The following EXD2 variants were observed in gnomAD, a reference collection of about 807,000 sequenced individuals.
The protein encoded by EXD2 is exonuclease 3'-5' domain-containing protein 2.
EXD2 carries 40 observed loss-of-function variants against 62.5 expected under a neutral mutation model. The observed-to-expected ratio is 0.64, with a 90% CI of 0.50 to 0.83. EXD2 has a LOEUF of 0.83. Among genes scored for constraint, EXD2 ranks in the 40% least tolerant of loss-of-function variants. The probability of loss-of-function intolerance (pLI) is 0.00; values close to 1 mark genes in which losing one functional copy is unlikely to be tolerated. For synonymous variants in EXD2, 239 were observed against 291.9 expected (o/e 0.82, Z 1.85); for missense variants, 671 against 761.8 (o/e 0.88, Z 1.40).
chr14:69,231,260 C>A (rs140004518), intron 5 of EXD2, among the ~76,000 whole-genome samples: 123 of 152,262 alleles, frequency 8.1e-4, no homozygotes, highest in African/African-American at 2.9e-3. Context: ...CTTCCTTCTT[C>A]TCCTCAGAGG....
intron 7 of EXD2, 39 bp from the exon 8 acceptor site, chr14:69,236,368 C>T: frequency 6.2e-7 from 1 of 1,613,470 alleles, no homozygotes; most frequent in Non-Finnish European, 8.5e-7. Context: ...GTGGTGGGGG[C>T]AGGGGGAGCA....
In EXD2 at chr14:69,230,477, A is replaced by G. The variant is rs750879543; in HGVS notation, c.596A>G (p.Asn199Ser). ...GTTTTCTTTGTTTCTTTTAGAAACA[A>G]TTTGCTCTGTAATGGGCTTAGCCTG... ...LRYLAMRQRN[N>S]LLCNGLSLKS... Residue 199 changes from asparagine to serine, a missense_variant, in exon 5 of 10, where the codon AAT becomes AGT. Transcript: ENST00000685843. 1.9e-6 allele frequency: 3 copies of G among 1,592,174 alleles called. No homozygotes were observed. Among genetic ancestry groups the G allele is most frequent in the South Asian group, 1.1e-5 (1 of 87,646 alleles).
chr14:69,221,909 TA>T (rs60647735), intron 3 of EXD2, among the ~76,000 whole-genome samples: 12,725 of 51,396 alleles, frequency 0.25, 1,010 homozygotes, highest in Middle Eastern at 0.41. Flanking sequence ...CTGTCTCTAC[TA>T]AAAAAAAAAA....
rs1566846946 is a variant in EXD2, at chr14:69,242,318, G to A, written c.*1218G>A. ...TTGGAATTGTGCCCAAGTTGGTGAT[G>A]TTTACTCTAAAATTAATAATAAAAC... On this transcript the variant is annotated 3_prime_UTR_variant, in exon 10 of 10. Coordinates refer to ENST00000685843, the MANE Select transcript of EXD2 (RefSeq NM_001193360.2). 1.6e-5 allele frequency: 5 copies of A among 316,688 alleles called. No homozygotes were observed. Among genetic ancestry groups the A allele is most frequent in the African/African-American group, 2.1e-5 (1 of 46,590 alleles). The allele number at this position is 316,688 out of a possible 1,614,324, so 19.6% of individuals were successfully genotyped here.
rs527847893 is a variant in EXD2, at chr14:69,202,571, A to G, written c.-131-1346A>G. On this transcript the variant is annotated intron_variant, in intron 1 of 9. Transcript: ENST00000685843. ...TTTCGACTCTTTTTACCCGGGGTCT[A>G]TCAGTGTCTGACTTATATAATGTGT... Among the ~76,000 whole-genome samples, 4 of 152,224 alleles carry G rather than the reference A, an allele frequency of 2.6e-5. No individual in the cohort carries two copies. In the East Asian group the frequency reaches 5.8e-4, roughly 22 times the overall value.
chr14:69,237,041 C>T (rs2043819247), intron 8 of EXD2, among the ~76,000 whole-genome samples: 1 of 152,256 alleles, frequency 6.6e-6, no homozygotes, highest in South Asian at 2.1e-4. Context: ...TGTGGAGTCA[C>T]TCACTTTCCT....
At position 69,229,043 on chromosome 14, in the gene EXD2, G is replaced by A. The variant is rs146056627; in HGVS notation, c.561G>A (p.Leu187=). Residue 187 remains leucine, a synonymous_variant, in exon 4 of 10, where the codon CTG becomes CTA. Transcript: ENST00000685843. The part of the protein sequence containing the change: ...QDYGLVVRGC[L]DLRYLAMRQR... Reference sequence around the variant, plus strand: ...ATGGCCTCGTTGTTAGGGGGTGCCTGGACCTCCGATACCTAGCCATGCGGC... The same window carrying A: ...ATGGCCTCGTTGTTAGGGGGTGCCTAGACCTCCGATACCTAGCCATGCGGC... 6.2e-6 allele frequency: 10 copies of A among 1,614,080 alleles called. No homozygotes were observed. In the African/African-American group the frequency reaches 1.2e-4, roughly 19 times the overall value.
At chr14:69,193,429 G>A (rs2042101037) in intron 1 of EXD2, among the ~76,000 whole-genome samples, 1 of 152,120 alleles carries the variant, frequency 6.6e-6, no homozygotes, top group Non-Finnish European at 1.5e-5. Flanking sequence ...ATGGAAAAGT[G>A]ATTTCTCTTT....
chr14:69,230,450 T>A, intron 4 of EXD2, 22 bp from the exon 5 acceptor site: 1 of 1,563,214 alleles, frequency 6.4e-7, no homozygotes, highest in African/African-American at 1.4e-5. Context: ...TTTTGATGCA[T>A]GGTTTTCTTT....
intron 2 of EXD2, among the ~76,000 whole-genome samples, chr14:69,206,760 G>A (rs1294432458): frequency 6.6e-6 from 1 of 152,184 alleles, no homozygotes; most frequent in Non-Finnish European, 1.5e-5. Context: ...GGGATTACAG[G>A]CATGAGCCAC....
chr14:69,230,723 C>A, intron 5 of EXD2, 125 bp downstream of exon 5: 3 of 1,092,696 alleles, frequency 2.7e-6, no homozygotes, highest in South Asian at 1.9e-5. Context: ...TAGATTCATT[C>A]TCTGGTGATA....
chr14:69,196,901 T>G (rs1050858192), intron 1 of EXD2, among the ~76,000 whole-genome samples: 5 of 152,136 alleles, frequency 3.3e-5, no homozygotes, highest in Non-Finnish European at 7.4e-5. Flanking sequence ...ATTACAGGTG[T>G]GCACCACCAT....
rs2140060667 is a variant in EXD2, at chr14:69,241,096, C to G, written c.1862C>G (p.Ser621Cys). ...KFGEDLPIQL[S>C] ...GGGGAAGATCTTCCCATCCAGCTGT[C>G]TTGATAGCTGCTTTCCTCCCAGTTA... The change falls in exon 10 of 10, where the codon TCT becomes TGT. Residue 621 changes from serine (S) to cysteine (C), a missense_variant. Coordinates refer to ENST00000685843, the MANE Select transcript of EXD2 (RefSeq NM_001193360.2). 1 of 1,612,004 alleles carries G rather than the reference C, an allele frequency of 6.2e-7. No individual in the cohort carries two copies. The highest frequency in any genetic ancestry group is 8.5e-7 in the Non-Finnish European group (1 of 1,179,890).
At position 69,228,673 on chromosome 14, in the gene EXD2, T is replaced by C. The variant is rs578020484; in HGVS notation, c.334-143T>C. On this transcript the variant is annotated intron_variant, in intron 3 of 9. Coordinates refer to ENST00000685843, the MANE Select transcript of EXD2 (RefSeq NM_001193360.2). ...CATTGCATTTGTTACTGTAGACTTA[T>C]CTGTAGATGCAAACCAAAACCTGGT... 5 of 1,008,714 alleles carry C rather than the reference T, an allele frequency of 5.0e-6. No homozygotes were observed. In the East Asian group the frequency reaches 1.1e-4, roughly 21 times the overall value. 62.5% of individuals were successfully genotyped at this position (1,008,714 alleles called of 1,614,324 possible).
At chr14:69,194,786 T>A (rs548879942) in intron 1 of EXD2, among the ~76,000 whole-genome samples, 5 of 152,354 alleles carry the variant, frequency 3.3e-5, no homozygotes, top group African/African-American at 1.2e-4. Flanking sequence ...GGGTAAATAC[T>A]CCATCATGAT....
In EXD2 at chr14:69,209,442, T is replaced by A; in HGVS notation, c.-29T>A. ...TTTGCAGATTGTGGGATTAGTGATA[T>A]GCTTTTCTAAAGAGTAGAAAAGTCG... is the stretch of plus-strand genomic sequence containing the variant. On this transcript the variant is annotated 5_prime_UTR_variant, in exon 3 of 10. An upstream start codon of the reference 5' UTR is lost. Transcript: ENST00000685843. 1.4e-6 allele frequency: 2 copies of A among 1,458,376 alleles called. No individual in the cohort carries two copies. Among genetic ancestry groups the A allele is most frequent in the Non-Finnish European group, 1.8e-6 (2 of 1,099,516 alleles). 90.3% of individuals were successfully genotyped at this position (1,458,376 alleles called of 1,614,324 possible). A position where few individuals can be genotyped will look rare whatever the true frequency, so the allele number is the denominator to read the frequency against.
intron 3 of EXD2, among the ~76,000 whole-genome samples, chr14:69,228,412 G>C (rs1448577955): frequency 1.3e-5 from 2 of 152,000 alleles, no homozygotes; most frequent in Non-Finnish European, 2.9e-5. Flanking sequence ...AGCTTGTCTT[G>C]AACTCCTGAC....
chr14:69,218,851 C>T (rs181033084), intron 3 of EXD2, among the ~76,000 whole-genome samples: 16 of 152,160 alleles, frequency 1.1e-4, no homozygotes, highest in Admixed American at 2.0e-4. Flanking sequence ...CGCTCTGTTC[C>T]GTTCCAGTGG....
intron 1 of EXD2, among the ~76,000 whole-genome samples, chr14:69,202,471 C>T (rs1890943): frequency 0.76 from 115,529 of 152,192 alleles, 45,164 homozygotes; most frequent in East Asian, 1. Flanking sequence ...TGGTGTTATC[C>T]CACTCTTTGC....
Sources: gnomAD v4.1 joint callset for allele counts (sites outside exome capture counted in the v4.1 genomes callset) on GRCh38, gnomAD v4.1.1 for gene constraint, MANE v1.5 for transcripts, NCBI Gene and HGNC (gene_info 2026-07-23, HGNC 2026-07-21) for gene names.